The following LRRC9 variants were observed in gnomAD, a reference collection of about 807,000 sequenced individuals.
LRRC9 encodes leucine rich repeat containing 9, also known as leucine-rich repeat-containing protein 9.
LRRC9 carries 122 observed loss-of-function variants against 63.2 expected under a neutral mutation model. The ratio of observed to expected loss-of-function variants is 1.93; its 90% CI spans 1.67 to 2.24. The LOEUF (loss-of-function observed/expected upper bound fraction) is 2.24, where lower values mean the gene tolerates loss of function less well. Among genes scored for constraint, LRRC9 ranks in the 30% most tolerant of loss-of-function variants. The probability of loss-of-function intolerance (pLI) is 0.00; values close to 1 mark genes in which losing one functional copy is unlikely to be tolerated. For missense variants in LRRC9, 1,071 were observed against 627.7 expected, an observed-to-expected ratio of 1.71 and a Z score of -7.55; for synonymous variants, 366 against 213.1, an observed-to-expected ratio of 1.72 and a Z score of -6.25.
downstream of LRRC9, among the ~76,000 whole-genome samples, chr14:60,064,618 A>T (rs1048069317): frequency 6.6e-6 from 1 of 152,222 alleles, no homozygotes; most frequent in Non-Finnish European, 1.5e-5. Flanking sequence ...GTTTTTAAAC[A>T]ACTATTACAT....
chr14:59,964,986 GACT>G lies in LRRC9; in HGVS notation c.1212-1600_1212-1598del, dbSNP rs1405257896. Among the ~76,000 whole-genome samples, 1 of 152,152 alleles carries G rather than the reference GACT, an allele frequency of 6.6e-6. No homozygotes were observed. The highest frequency in any genetic ancestry group is 1.5e-5 in the Non-Finnish European group (1 of 68,024). ...AGCTCAGCTATTAGGCTCAAGGAGA[GACT>G]ACCCATCAGGAAGCTCACCTCTGTG... is the stretch of plus-strand genomic sequence containing the variant. On this transcript the variant is annotated intron_variant, in intron 10 of 31. Transcript: ENST00000445360. This position sits in a 1 kb window ranked among gnomAD's most constrained non-coding sequence, Gnocchi z 4.4.
chr14:59,956,354 CTCT>C (rs1434346039), intron 8 of LRRC9, among the ~76,000 whole-genome samples: 1 of 152,092 alleles, frequency 6.6e-6, no homozygotes, highest in African/African-American at 2.4e-5. Context: ...GGACAGTTTG[CTCT>C]TCTTGTTGCA....
In LRRC9 at chr14:60,003,945, G is replaced by A. The variant is rs1889599056; in HGVS notation, c.2842+147G>A. The A allele has an allele frequency of 1.0e-5, 5 of 494,648 alleles. 1 individual carries two copies. In the East Asian group the frequency reaches 1.6e-4, roughly 16 times the overall value. 30.6% of individuals were successfully genotyped at this position (494,648 alleles called of 1,614,324 possible). On this transcript the variant is annotated intron_variant, in intron 21 of 31. Transcript: ENST00000445360. The surrounding 1 kb of genome is among the most constrained non-coding windows in gnomAD (Gnocchi z 4.2). ...GGCAGGGTATTCTAAATACCTGTGT[G>A]AGGTAATGCAATTATTAGTTAGCTA...
chr14:59,963,240 A>C (rs1375267887), intron 10 of LRRC9, among the ~76,000 whole-genome samples: 2 of 152,220 alleles, frequency 1.3e-5, no homozygotes, highest in Non-Finnish European at 2.9e-5. Context: ...ATTGTATGTC[A>C]TTATCTCTTA....
chr14:60,057,767 T>C lies in LRRC9; in HGVS notation c.4132-111T>C, dbSNP rs1278577662. On this transcript the variant is annotated intron_variant, in intron 30 of 31. Transcript: ENST00000445360. ...TTCTGAGTTTAGGCAAGCAGGTAGC[T>C]CCTGACTAAAAAGAATGTTGATTGT... 1.1e-5 allele frequency: 5 copies of C among 450,444 alleles called. No individual in the cohort carries two copies. The Admixed American group carries it at 1.6e-4, about 15-fold the overall frequency. 27.9% of individuals were successfully genotyped at this position (450,444 alleles called of 1,614,324 possible). A position where few individuals can be genotyped will look rare whatever the true frequency, so the allele number is the denominator to read the frequency against.
At chr14:59,949,327 T>A (rs1415145751) in intron 8 of LRRC9, among the ~76,000 whole-genome samples, 2 of 152,114 alleles carry the variant, frequency 1.3e-5, no homozygotes, top group African/African-American at 4.8e-5. Context: ...TGATGGTAGT[T>A]TGTATTTCTG....
Position 59,981,896 on chromosome 14 carries a change from G to T in LRRC9, c.1927G>T (p.Glu643Ter), listed in dbSNP as rs1435779051. 2.9e-6 allele frequency: 2 copies of T among 701,720 alleles called. No individual in the cohort carries two copies. The highest frequency in any genetic ancestry group is 1.5e-5 in the South Asian group (1 of 67,436). The allele number at this position is 701,720 out of a possible 1,614,324, so 43.5% of individuals were successfully genotyped here. A position where few individuals can be genotyped will look rare whatever the true frequency, so the allele number is the denominator to read the frequency against. Residue 643 changes from glutamate to a stop codon, truncating the protein, a stop_gained, in exon 16 of 32, where the codon GAA becomes TAA. Coordinates refer to ENST00000445360, the Ensembl canonical transcript of LRRC9. LOFTEE classifies it high-confidence loss of function. Reference sequence around the variant, plus strand: ...TGTATTCAACAATGTTATTCTAGAAGAAAGCAAAAAAAACCCAGAAGTATC... The same window carrying T: ...TGTATTCAACAATGTTATTCTAGAATAAAGCAAAAAAAACCCAGAAGTATC...
rs182418699 is a variant in LRRC9 at position 60,042,645 on chromosome 14, T to G, written c.3991-10420T>G. ...GTGTCCCGATTTTCCAGGTACTGCC[T>G]GTCATGGCTTCCCTTGGCTAGGAAA... On this transcript the variant is annotated intron_variant, in intron 29 of 31. Coordinates refer to ENST00000445360, the Ensembl canonical transcript of LRRC9. This position sits in a 1 kb window ranked among gnomAD's most constrained non-coding sequence, Gnocchi z 4.2. Among the ~76,000 whole-genome samples the G allele has an allele frequency of 7.2e-5, 11 of 152,308 alleles. No homozygotes were observed. The highest frequency in any genetic ancestry group is 2.6e-4 in the African/African-American group (11 of 41,556).
chr14:60,043,750 C>CCTTTTTTTTTTTTTT (rs1893156677), intron 29 of LRRC9, among the ~76,000 whole-genome samples: 1 of 66,152 alleles, frequency 1.5e-5, no homozygotes, highest in African/African-American at 6.4e-5. Context: ...CTGTAGTTTT[C>CCTTTTTTTTTTTTTT]TTTTCCTTTT....
chr14:60,056,733 C>T (rs1894312244), intron 30 of LRRC9, among the ~76,000 whole-genome samples: 2 of 152,012 alleles, frequency 1.3e-5, no homozygotes, highest in South Asian at 4.2e-4. Context: ...TTAGATTCAA[C>T]ACCAATTATT....
At chr14:59,949,349 A>G (rs866043384) in intron 8 of LRRC9, among the ~76,000 whole-genome samples, 4 of 151,766 alleles carry the variant, frequency 2.6e-5, no homozygotes, top group Admixed American at 6.6e-5. Context: ...GGGATCGGTG[A>G]TGATATCCCC....
In LRRC9 at chr14:60,017,474, A is replaced by C. The variant is rs1229074859; in HGVS notation, c.3317+684A>C. Among the ~76,000 whole-genome samples the C allele has an allele frequency of 1.3e-5, 2 of 152,086 alleles. No individual in the cohort carries two copies. Among genetic ancestry groups the C allele is most frequent in the African/African-American group, 4.8e-5 (2 of 41,418 alleles). On this transcript the variant is annotated intron_variant, in intron 24 of 31. Transcript: ENST00000445360. This position sits in a 1 kb window ranked among gnomAD's most constrained non-coding sequence, Gnocchi z 4.0. ...TCCATGCTGTCATCCTTGACTTTTT[A>C]AAATAGATTTTATTTCCCTGAAATG... is the stretch of plus-strand genomic sequence containing the variant.
intron 13 of LRRC9, among the ~76,000 whole-genome samples, chr14:59,975,125 A>G (rs1443008683): frequency 1.5e-4 from 2 of 13,458 alleles, no homozygotes; most frequent in Admixed American, 1.5e-3. Flanking sequence ...ATATATATAT[A>G]TGTATATATA....
Position 59,958,831 on chromosome 14 carries a change from C to T in LRRC9, c.883-987C>T, listed in dbSNP as rs1442171764. ...AGCATAGTAACCCGGCTGGGTAGCA[C>T]AGTCCCTCACAGCTTACCTTGGCTG... On this transcript the variant is annotated intron_variant, in intron 8 of 31. Coordinates refer to ENST00000445360, the Ensembl canonical transcript of LRRC9. The surrounding 1 kb of genome is among the most constrained non-coding windows in gnomAD (Gnocchi z 4.0). Among the ~76,000 whole-genome samples the T allele has an allele frequency of 6.6e-6, 1 of 152,202 alleles. No individual in the cohort carries two copies. The highest frequency in any genetic ancestry group is 1.5e-5 in the Non-Finnish European group (1 of 68,036).
At position 60,060,613 on chromosome 14, in the gene LRRC9, C is replaced by A. The variant is rs949569460; in HGVS notation, c.4276+2591C>A. ...AAAATTAGCTGGGCATGGTGGCGGG[C>A]GCCTGTAGTCCCAGCTACTCGGGAG... On this transcript the variant is annotated intron_variant, in intron 31 of 31. Coordinates refer to ENST00000445360, the Ensembl canonical transcript of LRRC9. This position sits in a 1 kb window ranked among gnomAD's most constrained non-coding sequence, Gnocchi z 4.0. 6.6e-6 allele frequency among the ~76,000 whole-genome samples: 1 copy of A among 151,922 alleles called. No individual in the cohort carries two copies. Among genetic ancestry groups the A allele is most frequent in the Non-Finnish European group, 1.5e-5 (1 of 67,960 alleles).
Position 59,923,818 on chromosome 14 carries a change from A to G in LRRC9, c.-34+3935A>G, listed in dbSNP as rs867844038. Among the ~76,000 whole-genome samples, 7 of 152,154 alleles carry G rather than the reference A, an allele frequency of 4.6e-5. No homozygotes were observed. Among genetic ancestry groups the G allele is most frequent in the Admixed American group, 3.9e-4 (6 of 15,270 alleles). The stretch of plus-strand genomic sequence containing the variant: ...TAGCCGGGCGTGGTGGCAGGCGCCT[A>G]TAGTTCCAGCGACTCCGAAGGCTGA... On this transcript the variant is annotated intron_variant, in intron 1 of 31. Coordinates refer to ENST00000445360, the Ensembl canonical transcript of LRRC9. This position sits in a 1 kb window ranked among gnomAD's most constrained non-coding sequence, Gnocchi z 4.2.
chr14:60,041,687 C>A (rs764555012), intron 29 of LRRC9, among the ~76,000 whole-genome samples: 1 of 152,160 alleles, frequency 6.6e-6, no homozygotes, highest in Non-Finnish European at 1.5e-5. Flanking sequence ...TGTGTTCGAA[C>A]ACCCTCTTTT....
rs1285319171 is a variant in LRRC9 at position 60,004,871 on chromosome 14, T to C, written c.2842+1073T>C. ...ATTTGATTGAAAAGAGAAATATGTATATGTGTGTATACACACACACACACA... is the reference window on the plus strand; with the variant it reads ...ATTTGATTGAAAAGAGAAATATGTACATGTGTGTATACACACACACACACA... On this transcript the variant is annotated intron_variant, in intron 21 of 31. Transcript: ENST00000445360. The surrounding 1 kb of genome is among the most constrained non-coding windows in gnomAD (Gnocchi z 4.8). 1.3e-5 allele frequency among the ~76,000 whole-genome samples: 1 copy of C among 74,956 alleles called. No homozygotes were observed. Among genetic ancestry groups the C allele is most frequent in the Non-Finnish European group, 3.1e-5 (1 of 31,882 alleles). The allele number at this position is 74,956 out of a possible 152,430, so 49.2% of individuals were successfully genotyped here.
chr14:60,041,481 T>C lies in LRRC9; in HGVS notation c.3990+9418T>C, dbSNP rs115312626. On this transcript the variant is annotated intron_variant, in intron 29 of 31. Transcript: ENST00000445360. ...TTTTTACTCTAAACTTCTCACTTCA[T>C]TTCATTCGTTTGATGTTCAATCACT... Among the ~76,000 whole-genome samples, 481 of 152,246 alleles carry C rather than the reference T, an allele frequency of 3.2e-3. 3 individuals are homozygous for C. Among genetic ancestry groups the C allele is most frequent in the African/African-American group, 0.011 (459 of 41,554 alleles).
Sources: allele counts gnomAD v4.1 joint callset (sites outside exome capture counted in the v4.1 genomes callset), GRCh38; gene constraint gnomAD v4.1.1; non-coding constraint Gnocchi (gnomAD v3.1); transcripts MANE v1.5; gene names NCBI Gene and HGNC (gene_info 2026-07-23, HGNC 2026-07-21).